Variants in NPAT observed in about 807,000 individuals in gnomAD.
NPAT encodes nuclear protein, coactivator of histone transcription, also known as protein NPAT.
NPAT carries 52 observed loss-of-function variants against 130.7 expected under a neutral mutation model. The ratio of observed to expected loss-of-function variants is 0.40; its 90% CI spans 0.32 to 0.50. The LOEUF (loss-of-function observed/expected upper bound fraction) is 0.50, where lower values mean the gene tolerates loss of function less well. Among genes scored for constraint, NPAT ranks in the 20% least tolerant of loss-of-function variants. The probability of loss-of-function intolerance (pLI) is 0.68; values close to 1 mark genes in which losing one functional copy is unlikely to be tolerated. For synonymous variants in NPAT, 580 were observed against 584.8 expected (o/e 0.99, Z 0.12); for missense variants, 1,687 against 1,662.6 (o/e 1.01, Z -0.26).
Position 108,161,955 on chromosome 11 carries a change from G to A in NPAT, c.3131C>T (p.Thr1044Ile), listed in dbSNP as rs959987608. The change falls in exon 17 of 18, where the codon ACA becomes ATA. Residue 1044 changes from threonine to isoleucine, a missense_variant. By Grantham distance (89) the Thr-to-Ile change is moderately conservative (BLOSUM62 -1). Transcript: ENST00000278612. ...TATACTCTCTTCTGGGAAGGGAACTGTGGTTTCTTCTGATTTTTTCCCAAG... is the reference window on the plus strand; with the variant it reads ...TATACTCTCTTCTGGGAAGGGAACTATGGTTTCTTCTGATTTTTTCCCAAG... ...TDLGKKSEET[T>I]VPFPEESIVP... 16 of 1,604,046 alleles carry A rather than the reference G, an allele frequency of 1.0e-5. No individual in the cohort carries two copies. Among genetic ancestry groups the A allele is most frequent in the Non-Finnish European group, 1.2e-5 (14 of 1,175,678 alleles).
rs1265132672 is a variant in NPAT, at chr11:108,158,907, T to G, written c.*35A>C. 7.6e-7 allele frequency: 1 copy of G among 1,320,246 alleles called. No homozygotes were observed. The highest frequency in any genetic ancestry group is 1.2e-5 in the South Asian group (1 of 84,902). 81.8% of individuals were successfully genotyped at this position (1,320,246 alleles called of 1,614,324 possible). ...TACACTCAGTTTAAGGGATATGAGT[T>G]TTTAACACCTACTGTTCTTATGTGT... On this transcript the variant is annotated 3_prime_UTR_variant, in exon 18 of 18. Transcript: ENST00000278612.
Position 108,161,345 on chromosome 11 carries a change from T to C in NPAT, c.3741A>G (p.Leu1247=). 1.2e-6 allele frequency: 2 copies of C among 1,614,238 alleles called. No individual in the cohort carries two copies. The highest frequency in any genetic ancestry group is 2.2e-5 in the South Asian group (2 of 91,088). Residue 1247 remains leucine, a synonymous_variant, in exon 17 of 18, where the codon TTA becomes TTG. Transcript: ENST00000278612. The stretch of plus-strand genomic sequence containing the variant: ...CTGAGCTGTGCCTCTGTATATCCTG[T>C]AACATTTCTGTGGTAATCAAAGAAC... The part of the protein sequence containing the change: ...SASSLITTEM[L]QDIQRHSSVS...
In NPAT at chr11:108,158,838, A is replaced by G; in HGVS notation, c.*104T>C. ...TATAAAGTGAAGTTTCAGTACAATG[A>G]AAGTGCAGGTCATGCTTTCAGATTC... On this transcript the variant is annotated 3_prime_UTR_variant, in exon 18 of 18. Coordinates refer to ENST00000278612, the MANE Select transcript of NPAT (RefSeq NM_002519.3). 1 of 721,064 alleles carries G rather than the reference A, an allele frequency of 1.4e-6. No individual in the cohort carries two copies. Among genetic ancestry groups the G allele is most frequent in the Non-Finnish European group, 2.5e-6 (1 of 402,648 alleles). The allele number at this position is 721,064 out of a possible 1,614,324, so 44.7% of individuals were successfully genotyped here. A position where few individuals can be genotyped will look rare whatever the true frequency, so the allele number is the denominator to read the frequency against.
intron 15 of NPAT, among the ~76,000 whole-genome samples, chr11:108,163,437 C>A (rs1464840401): frequency 6.6e-6 from 1 of 152,002 alleles, no homozygotes; most frequent in Admixed American, 6.6e-5. Context: ...TTTGGAAGAT[C>A]TGGCAATAAT....
intron 1 of NPAT, among the ~76,000 whole-genome samples, chr11:108,202,369 T>C (rs2078282670): frequency 6.6e-6 from 1 of 152,162 alleles, no homozygotes; most frequent in African/African-American, 2.4e-5. Context: ...CCCAGATTTC[T>C]GATCCACTTG....
At chr11:108,179,319 G>C (rs561486447) in intron 10 of NPAT, among the ~76,000 whole-genome samples, 1 of 151,996 alleles carries the variant, frequency 6.6e-6, no homozygotes, top group African/African-American at 2.4e-5. Flanking sequence ...CCAGGCTAGA[G>C]TGCAATGGCG....
At chr11:108,180,272 G>A (rs2078047259) in intron 10 of NPAT, among the ~76,000 whole-genome samples, 1 of 152,176 alleles carries the variant, frequency 6.6e-6, no homozygotes, top group Non-Finnish European at 1.5e-5. Flanking sequence ...AGGCTGCAGT[G>A]AGCCAAGATT....
In NPAT at chr11:108,222,612, G is replaced by T; in HGVS notation, c.-76C>A. 5 of 1,516,918 alleles carry T rather than the reference G, an allele frequency of 3.3e-6. No individual in the cohort carries two copies. Among genetic ancestry groups the T allele is most frequent in the Non-Finnish European group, 4.5e-6 (5 of 1,099,546 alleles). The allele number at this position is 1,516,918 out of a possible 1,614,324, so 94.0% of individuals were successfully genotyped here. On this transcript the variant is annotated 5_prime_UTR_variant, in exon 1 of 18. Coordinates refer to ENST00000278612, the MANE Select transcript of NPAT (RefSeq NM_002519.3). ...CAAACACAGCGACAGCTCCTGCGCCGCATCTCCTGGTTCCAGTGGCGGCAC... is the reference window on the plus strand; with the variant it reads ...CAAACACAGCGACAGCTCCTGCGCCTCATCTCCTGGTTCCAGTGGCGGCAC...
At chr11:108,218,093 G>A (rs1446729060) in intron 1 of NPAT, among the ~76,000 whole-genome samples, 1 of 152,134 alleles carries the variant, frequency 6.6e-6, no homozygotes, top group African/African-American at 2.4e-5. Context: ...AGTTATTACT[G>A]TTTTTTCCTT....
At chr11:108,165,173 A>G (rs1161208947) in intron 15 of NPAT, among the ~76,000 whole-genome samples, 1 of 152,132 alleles carries the variant, frequency 6.6e-6, no homozygotes, top group African/African-American at 2.4e-5. Flanking sequence ...TTCTGAGTAA[A>G]AATCTGGTGT....
chr11:108,193,146 T>A (rs1386410219), intron 3 of NPAT, among the ~76,000 whole-genome samples: 1 of 152,242 alleles, frequency 6.6e-6, no homozygotes, highest in African/African-American at 2.4e-5. Flanking sequence ...TATTAGAGAA[T>A]AAGCAGTCAA....
chr11:108,217,461 G>A (rs537850635), intron 1 of NPAT, among the ~76,000 whole-genome samples: 1 of 152,168 alleles, frequency 6.6e-6, no homozygotes, highest in African/African-American at 2.4e-5. Flanking sequence ...ATATCAGTTA[G>A]CCTATGGTAA....
Position 108,218,730 on chromosome 11 carries a change from GGATGGTTGGGAATCCCAAA to G in NPAT, c.37+3751_37+3769del, listed in dbSNP as rs1177154285. Among the ~76,000 whole-genome samples the G allele has an allele frequency of 3.3e-5, 5 of 152,198 alleles. No homozygotes were observed. The East Asian group carries it at 7.7e-4, about 23-fold the overall frequency. ...TTTGAAGGTGCAGATGAGTACTGAA[GGATGGTTGGGAATCCCAAA>G]GAAGCTGACAGAAAGTATATATGCA... On this transcript the variant is annotated intron_variant, in intron 1 of 17. Transcript: ENST00000278612.
chr11:108,166,256 G>T (rs569744608), intron 15 of NPAT, among the ~76,000 whole-genome samples: 2 of 152,198 alleles, frequency 1.3e-5, no homozygotes, highest in Admixed American at 1.3e-4. Context: ...GCTGAGTGTT[G>T]TGGCATGCAC....
chr11:108,169,625 G>A (rs2077931137), intron 15 of NPAT, 119 bp downstream of exon 15: 2 of 776,000 alleles, frequency 2.6e-6, no homozygotes, highest in Admixed American at 2.0e-5. Flanking sequence ...ACTAGCAAAT[G>A]TAGGGTGATC....
chr11:108,165,558 G>C (rs933092578), intron 15 of NPAT, among the ~76,000 whole-genome samples: 1 of 149,562 alleles, frequency 6.7e-6, no homozygotes, highest in Non-Finnish European at 1.5e-5. Context: ...TCAACCTCCT[G>C]GGCTCAAGTG....
intron 1 of NPAT, among the ~76,000 whole-genome samples, chr11:108,201,513 C>G (rs558869853): frequency 1.3e-5 from 2 of 152,240 alleles, no homozygotes; most frequent in South Asian, 4.1e-4. Context: ...AGGAATGGCC[C>G]AGGGAGTTCC....
chr11:108,161,149 A>G lies in NPAT; in HGVS notation c.3937T>C (p.Leu1313=), dbSNP rs1299569744. Residue 1313 remains leucine (L), a synonymous_variant, in exon 17 of 18, where the codon TTG becomes CTG. Transcript: ENST00000278612. ...TCACTGGCAGGGCTGCAGGCAGGCA[A>G]GTCTGGGGTGACAGGAGGGACCATT... The part of the protein sequence containing the change: ...KVMVPPVTPD[L]PACSPASETG... The G allele has an allele frequency of 3.7e-6, 6 of 1,614,158 alleles. No individual in the cohort carries two copies. The highest frequency in any genetic ancestry group is 5.1e-6 in the Non-Finnish European group (6 of 1,180,020).
intron 15 of NPAT, 129 bp from the exon 16 acceptor site, chr11:108,162,309 A>C: frequency 2.7e-6 from 2 of 752,590 alleles, no homozygotes; most frequent in Non-Finnish European, 4.4e-6. Context: ...CAAATAGAAC[A>C]CGTTGACAAA....
Sources: allele counts gnomAD v4.1 joint callset (sites outside exome capture counted in the v4.1 genomes callset), GRCh38; gene constraint gnomAD v4.1.1; transcripts MANE v1.5; gene names NCBI Gene and HGNC (gene_info 2026-07-23, HGNC 2026-07-21).